The following MEF2C variants were observed in gnomAD, a reference collection of about 807,000 sequenced individuals.
MEF2C encodes myocyte enhancer factor 2C.
In MEF2C, 6 loss-of-function variants were observed where a neutral mutation model predicts 50.5. The ratio of observed to expected loss-of-function variants is 0.12; its 90% CI spans 0.07 to 0.23. The LOEUF (loss-of-function observed/expected upper bound fraction) is 0.23. MEF2C is among the 10% of genes least tolerant of loss of function. The pLI is 1.00. For synonymous variants in MEF2C, 183 were observed against 228.0 expected, an observed-to-expected ratio of 0.80 and a Z score of 1.78; for missense variants, 276 against 605.0, an observed-to-expected ratio of 0.46 and a Z score of 5.70.
At chr5:88,751,708 G>T in intron 5 of MEF2C, 149 bp downstream of exon 5, 2 of 1,055,894 alleles carry the variant, frequency 1.9e-6, no homozygotes, top group South Asian at 1.9e-5. Context: ...GCTCTATCAT[G>T]CAGGAGACCT....
intron 1 of MEF2C, among the ~76,000 whole-genome samples, chr5:88,848,295 T>C (rs774214433): frequency 2.0e-5 from 3 of 152,178 alleles, no homozygotes; most frequent in Non-Finnish European, 4.4e-5. Flanking sequence ...ACCATTTTAG[T>C]AGAGGATAAT....
At chr5:88,784,980 G>A (rs1187318366) in intron 3 of MEF2C, among the ~76,000 whole-genome samples, 1 of 152,112 alleles carries the variant, frequency 6.6e-6, no homozygotes, top group Non-Finnish European at 1.5e-5. Flanking sequence ...GGGCCAACAT[G>A]CAAGACGACA....
In MEF2C at chr5:88,722,488, C is replaced by CTTT; in HGVS notation, c.*113_*115dup. Reference sequence around the variant, plus strand: ...TACTTTTACAAAACAGAGTACCTGACTTTTTTTTTTTCCACACACGGCACA... The same window carrying CTTT: ...TACTTTTACAAAACAGAGTACCTGACTTTTTTTTTTTTTTCCACACACGGCACA... On this transcript the variant is annotated 3_prime_UTR_variant, in exon 11 of 11. Transcript: ENST00000504921. 2.7e-6 allele frequency: 2 copies of CTTT among 735,244 alleles called. No individual in the cohort carries two copies. The highest frequency in any genetic ancestry group is 4.1e-6 in the Non-Finnish European group (2 of 486,572). 45.5% of individuals were successfully genotyped at this position (735,244 alleles called of 1,614,324 possible).
intron 1 of MEF2C, among the ~76,000 whole-genome samples, chr5:88,836,626 T>A (rs1033375324): frequency 6.6e-6 from 1 of 152,186 alleles, no homozygotes; most frequent in African/African-American, 2.4e-5. Context: ...AGAGGGATGT[T>A]GCCCTGGGCC....
At chr5:88,746,640 T>C (rs1449696316) in intron 6 of MEF2C, 2 of 985,456 alleles carry the variant, frequency 2.0e-6, no homozygotes, top group Non-Finnish European at 2.4e-6. Context: ...TCTGAAAATG[T>C]AGCAACATTC....
At chr5:88,812,542 G>A (rs921907422) in intron 2 of MEF2C, among the ~76,000 whole-genome samples, 12 of 152,240 alleles carry the variant, frequency 7.9e-5, no homozygotes, top group Non-Finnish European at 1.8e-4. Context: ...GTTGGTTGGT[G>A]CAAGTGAAGC....
chr5:88,839,890 G>A (rs2153312097), intron 1 of MEF2C, among the ~76,000 whole-genome samples: 1 of 152,124 alleles, frequency 6.6e-6, no homozygotes, highest in East Asian at 1.9e-4. Context: ...ATTCCAGAAT[G>A]GACTTGGAAA....
chr5:88,789,563 A>G (rs1792745485), intron 3 of MEF2C, among the ~76,000 whole-genome samples: 1 of 152,152 alleles, frequency 6.6e-6, no homozygotes, highest in Non-Finnish European at 1.5e-5. Flanking sequence ...AGTAGCTCTA[A>G]ATAGTTATTC....
At chr5:88,741,057 G>A (rs1359398458) in intron 6 of MEF2C, 1 of 985,274 alleles carries the variant, frequency 1.0e-6, no homozygotes, top group Non-Finnish European at 1.2e-6. Flanking sequence ...GAAATGTGTT[G>A]CACTGTACTG....
At chr5:88,857,999 C>A (rs1445040167) in intron 1 of MEF2C, among the ~76,000 whole-genome samples, 1 of 152,124 alleles carries the variant, frequency 6.6e-6, no homozygotes, top group African/African-American at 2.4e-5. Flanking sequence ...AAAACAGCAA[C>A]AACAAAAACT....
At chr5:88,794,947 A>C (rs928038099) in intron 3 of MEF2C, among the ~76,000 whole-genome samples, 1 of 152,102 alleles carries the variant, frequency 6.6e-6, no homozygotes, top group Admixed American at 6.6e-5. Flanking sequence ...AAGATAAGAT[A>C]GTTGTAGATG....
chr5:88,726,759 A>G (rs1758990247), intron 10 of MEF2C, among the ~76,000 whole-genome samples: 1 of 152,142 alleles, frequency 6.6e-6, no homozygotes, highest in Non-Finnish European at 1.5e-5. Flanking sequence ...ATTTTCTGAA[A>G]CCTCTATTAG....
intron 3 of MEF2C, among the ~76,000 whole-genome samples, chr5:88,771,241 G>T (rs888857533): frequency 6.6e-6 from 1 of 152,182 alleles, no homozygotes; most frequent in East Asian, 1.9e-4. Flanking sequence ...AAACTATATC[G>T]CTGGGTTTTG....
In MEF2C at chr5:88,722,356, G is replaced by T; in HGVS notation, c.*248C>A. 1 of 424,972 alleles carries T rather than the reference G, an allele frequency of 2.4e-6. No individual in the cohort carries two copies. Among genetic ancestry groups the T allele is most frequent in the South Asian group, 5.5e-5 (1 of 18,072 alleles). 26.3% of individuals were successfully genotyped at this position (424,972 alleles called of 1,614,324 possible). A position where few individuals can be genotyped will look rare whatever the true frequency, so the allele number is the denominator to read the frequency against. On this transcript the variant is annotated 3_prime_UTR_variant, in exon 11 of 11. Coordinates refer to ENST00000504921, the MANE Select transcript of MEF2C (RefSeq NM_002397.5). ...GGAGCACAACAGTGAAAAGAAGTTA[G>T]CCTTAAAATCTATTTTGTACAAGTG...
chr5:88,774,207 G>A (rs151010028), intron 3 of MEF2C, among the ~76,000 whole-genome samples: 455 of 152,276 alleles, frequency 3.0e-3, no homozygotes, highest in Non-Finnish European at 4.3e-3. Context: ...AATGGTCAGA[G>A]AACAAACCTC....
chr5:88,826,943 T>C (rs1473661041), intron 1 of MEF2C: 1 of 151,506 alleles, frequency 6.6e-6, no homozygotes, highest in Non-Finnish European at 1.5e-5. Context: ...TCTACTATAG[T>C]TACACTCTAT....
chr5:88,774,911 T>C (rs908471770), intron 3 of MEF2C, among the ~76,000 whole-genome samples: 41 of 152,344 alleles, frequency 2.7e-4, no homozygotes, highest in African/African-American at 8.4e-4. Context: ...CCTGCAGTCC[T>C]GTCGTAGTTC....
At chr5:88,852,583 A>T (rs1406552015) in intron 1 of MEF2C, among the ~76,000 whole-genome samples, 1 of 152,232 alleles carries the variant, frequency 6.6e-6, no homozygotes, top group Non-Finnish European at 1.5e-5. Context: ...TTAAGAATGT[A>T]GTTCTAGCTG....
intron 3 of MEF2C, among the ~76,000 whole-genome samples, chr5:88,784,251 C>T (rs1403092814): frequency 6.6e-6 from 1 of 152,122 alleles, no homozygotes; most frequent in African/African-American, 2.4e-5. Flanking sequence ...TTCAAATCCA[C>T]AATGATTTGG....
Sources: allele counts gnomAD v4.1 joint callset (sites outside exome capture counted in the v4.1 genomes callset), GRCh38; gene constraint gnomAD v4.1.1; transcripts MANE v1.5; gene names NCBI Gene and HGNC (gene_info 2026-07-23, HGNC 2026-07-21).